SPATA16: variants seen among roughly 807,000 people sequenced by gnomAD.
SPATA16 encodes the protein spermatogenesis-associated protein 16.
Under a neutral mutation model 63.3 loss-of-function variants are expected in SPATA16, and 36 were observed. That is an observed-to-expected ratio of 0.57 (90% CI 0.44 to 0.75). The LOEUF (loss-of-function observed/expected upper bound fraction) is 0.75, where lower values mean the gene tolerates loss of function less well. SPATA16 is among the 30% of genes least tolerant of loss of function. SPATA16 has a pLI of 0.00. For missense variants in SPATA16, 646 were observed against 679.3 expected, an observed-to-expected ratio of 0.95 and a Z score of 0.54; for synonymous variants, 203 against 216.7, an observed-to-expected ratio of 0.94 and a Z score of 0.56.
chr3:172,956,919 A>G, intron 5 of SPATA16, 95 bp from the exon 6 acceptor site: 1 of 1,413,870 alleles, frequency 7.1e-7, no homozygotes, highest in Non-Finnish European at 9.8e-7. Flanking sequence ...TGACTTAAAA[A>G]TCTATATACT....
intron 1 of SPATA16, among the ~76,000 whole-genome samples, chr3:173,125,186 A>G (rs139756379): frequency 1.4e-4 from 21 of 152,180 alleles, no homozygotes; most frequent in South Asian, 2.1e-4. Flanking sequence ...AGAGCTTTAC[A>G]AGTTATCCTT....
intron 6 of SPATA16, among the ~76,000 whole-genome samples, chr3:172,928,482 C>G (rs1168700854): frequency 6.6e-6 from 1 of 152,140 alleles, no homozygotes; most frequent in Non-Finnish European, 1.5e-5. Flanking sequence ...TGAGTAACCT[C>G]GAGATTTGGC....
In SPATA16 at chr3:173,023,137, A is replaced by ATGTGTTTGTG. The variant is rs1553794209; in HGVS notation, c.759-3563_759-3562insCACAAACACA. On this transcript the variant is annotated intron_variant, in intron 3 of 10. Transcript: ENST00000351008. ...AGTTCACATGATTTGATGCTTGTGT[A>ATGTGTTTGTG]TGTGTGTGTGTGTGTGTGTGTGTGT... Among the ~76,000 whole-genome samples the ATGTGTTTGTG allele has an allele frequency of 6.6e-3, 921 of 139,956 alleles. 11 individuals carry two copies. The highest frequency in any genetic ancestry group is 0.022 in the African/African-American group (838 of 38,050). The allele number at this position is 139,956 out of a possible 152,430, so 91.8% of individuals were successfully genotyped here.
intron 6 of SPATA16, among the ~76,000 whole-genome samples, chr3:172,936,412 G>C (rs181912722): frequency 9.2e-4 from 140 of 152,322 alleles, no homozygotes; most frequent in Non-Finnish European, 1.7e-3. Context: ...TCTCAGAAAA[G>C]ATATGAAAGC....
chr3:172,966,486 A>G (rs1733922946), intron 5 of SPATA16, among the ~76,000 whole-genome samples: 1 of 152,218 alleles, frequency 6.6e-6, no homozygotes, highest in Admixed American at 6.5e-5. Flanking sequence ...AATAGCACCT[A>G]TGCTTTCTTG....
In SPATA16 at chr3:172,928,437, A is replaced by G. The variant is rs1371347474; in HGVS notation, c.1082-2945T>C. Among the ~76,000 whole-genome samples the G allele has an allele frequency of 4.6e-5, 7 of 152,192 alleles. No individual in the cohort carries two copies. The East Asian group carries it at 1.3e-3, about 29-fold the overall frequency. On this transcript the variant is annotated intron_variant, in intron 6 of 10. Transcript: ENST00000351008. ...AGGGGAGAGCTTACTAGTTTTACTGAAGTTGCCAATAACTGGATTGTATGA... is the reference window on the plus strand; with the variant it reads ...AGGGGAGAGCTTACTAGTTTTACTGGAGTTGCCAATAACTGGATTGTATGA...
At chr3:172,908,650 T>C (rs1206590317) in intron 10 of SPATA16, among the ~76,000 whole-genome samples, 1 of 152,160 alleles carries the variant, frequency 6.6e-6, no homozygotes, top group African/African-American at 2.4e-5. Flanking sequence ...GTAATGGGGA[T>C]TCTGACAGAC....
chr3:172,938,821 C>T (rs998166001), intron 6 of SPATA16, among the ~76,000 whole-genome samples: 4 of 140,258 alleles, frequency 2.9e-5, no homozygotes, highest in African/African-American at 8.0e-5. Context: ...TTTCAGAGAT[C>T]CAGACCCCCC....
chr3:173,117,000 T>C (rs1737915123), intron 2 of SPATA16, 120 bp downstream of exon 2: 2 of 1,043,144 alleles, frequency 1.9e-6, no homozygotes. Flanking sequence ...CCTAATATCA[T>C]TACATATCCT....
intron 2 of SPATA16, among the ~76,000 whole-genome samples, chr3:173,060,938 C>T (rs553687758): frequency 7.9e-5 from 12 of 152,204 alleles, no homozygotes; most frequent in East Asian, 3.9e-4. Context: ...GGTCTATCTT[C>T]GTATAATAAG....
chr3:172,953,531 G>T (rs910362614), intron 6 of SPATA16, among the ~76,000 whole-genome samples: 3 of 152,170 alleles, frequency 2.0e-5, no homozygotes, highest in African/African-American at 7.2e-5. Context: ...GGTGGTTGGA[G>T]TACATACGAA....
At chr3:172,996,965 C>T (rs1385184354) in intron 4 of SPATA16, among the ~76,000 whole-genome samples, 2 of 152,022 alleles carry the variant, frequency 1.3e-5, no homozygotes. Flanking sequence ...GGCTTGAGAG[C>T]TCATTTCTTT....
At chr3:173,127,615 C>A (rs1337766246) in intron 1 of SPATA16, among the ~76,000 whole-genome samples, 3 of 152,182 alleles carry the variant, frequency 2.0e-5, no homozygotes, top group Non-Finnish European at 4.4e-5. Flanking sequence ...TCTGATACTT[C>A]TTCATGATTA....
intron 2 of SPATA16, among the ~76,000 whole-genome samples, chr3:173,095,772 A>G (rs972973482): frequency 6.6e-5 from 10 of 152,168 alleles, no homozygotes; most frequent in Non-Finnish European, 1.2e-4. Context: ...TAACAAGAAA[A>G]CATTCACCCG....
intron 10 of SPATA16, among the ~76,000 whole-genome samples, chr3:172,900,396 T>G (rs1446990594): frequency 6.6e-6 from 1 of 152,228 alleles, no homozygotes; most frequent in African/African-American, 2.4e-5. Context: ...TAAATTTCTT[T>G]GGGCTTATCC....
intron 4 of SPATA16, among the ~76,000 whole-genome samples, chr3:172,983,430 A>G (rs1734367855): frequency 6.6e-6 from 1 of 151,558 alleles, no homozygotes; most frequent in African/African-American, 2.4e-5. Context: ...CTCTCTCAAG[A>G]GTCTATGAAT....
chr3:173,024,916 T>C (rs1735418874), intron 3 of SPATA16, among the ~76,000 whole-genome samples: 2 of 150,954 alleles, frequency 1.3e-5, no homozygotes, highest in African/African-American at 4.8e-5. Context: ...ACAATAATTT[T>C]AGCTTTGACC....
intron 2 of SPATA16, among the ~76,000 whole-genome samples, chr3:173,059,676 G>A (rs1471977325): frequency 2.0e-5 from 3 of 151,642 alleles, no homozygotes; most frequent in Non-Finnish European, 4.4e-5. Context: ...AATCATTTAT[G>A]GATTATCTGC....
At chr3:173,102,028 C>A (rs1045209949) in intron 2 of SPATA16, among the ~76,000 whole-genome samples, 3 of 152,136 alleles carry the variant, frequency 2.0e-5, no homozygotes, top group Admixed American at 1.3e-4. Flanking sequence ...TTTGGATTCT[C>A]AGAGAGACAT....
Sources: allele counts gnomAD v4.1 joint callset (sites outside exome capture counted in the v4.1 genomes callset), GRCh38; gene constraint gnomAD v4.1.1; transcripts MANE v1.5; gene names NCBI Gene and HGNC (gene_info 2026-07-23, HGNC 2026-07-21).